Variants in TSPAN13 observed in about 807,000 individuals in gnomAD.
TSPAN13 encodes the protein tetraspanin 13.
A neutral mutation model predicts 26.9 loss-of-function variants in TSPAN13; 18 were observed. The observed-to-expected ratio is 0.67, with a 90% CI of 0.46 to 0.99. The LOEUF is 0.99. Ranked by LOEUF, TSPAN13 falls within the 50% of genes least tolerant of loss-of-function variation. The pLI is 0.00. For missense variants in TSPAN13, 201 were observed against 249.6 expected, an observed-to-expected ratio of 0.81 and a Z score of 1.31; for synonymous variants, 116 against 98.4, an observed-to-expected ratio of 1.18 and a Z score of -1.06.
At chr7:16,755,660 C>T (rs1318341870) in intron 1 of TSPAN13, among the ~76,000 whole-genome samples, 5 of 151,488 alleles carry the variant, frequency 3.3e-5, no homozygotes, top group African/African-American at 1.2e-4. Context: ...TTGCCAGACA[C>T]TTAGTCTTAC....
At chr7:16,777,531 C>T (rs188078917) in intron 3 of TSPAN13, among the ~76,000 whole-genome samples, 3 of 152,160 alleles carry the variant, frequency 2.0e-5, no homozygotes, top group Non-Finnish European at 2.9e-5. Context: ...GTTAACACTC[C>T]GAGAATTATG....
At chr7:16,758,125 T>A (rs987014381) in intron 1 of TSPAN13, among the ~76,000 whole-genome samples, 1 of 152,122 alleles carries the variant, frequency 6.6e-6, no homozygotes, top group African/African-American at 2.4e-5. Flanking sequence ...ATGAGCACTT[T>A]ATCTACTATA....
chr7:16,774,919 A>AG (rs1441945005), intron 1 of TSPAN13, among the ~76,000 whole-genome samples: 4 of 152,298 alleles, frequency 2.6e-5, no homozygotes, highest in Non-Finnish European at 5.9e-5. Context: ...GTATCTCTAC[A>AG]TATGTAAGGT....
At chr7:16,763,394 T>C (rs1421357604) in intron 1 of TSPAN13, among the ~76,000 whole-genome samples, 1 of 152,204 alleles carries the variant, frequency 6.6e-6, no homozygotes, top group Non-Finnish European at 1.5e-5. Flanking sequence ...GGGTTATAGA[T>C]GTTCTTGAAG....
In TSPAN13 at chr7:16,777,736, G is replaced by C. The variant is rs942731676; in HGVS notation, c.313-62G>C. 22 of 1,261,060 alleles carry C rather than the reference G, an allele frequency of 1.7e-5. No individual in the cohort carries two copies. In the African/African-American group the frequency reaches 2.4e-4, roughly 14 times the overall value. 78.1% of individuals were successfully genotyped at this position (1,261,060 alleles called of 1,614,324 possible). On this transcript the variant is annotated intron_variant, in intron 3 of 5. Transcript: ENST00000262067. ...GTACACTTAGTACTAAAAGTTACAG[G>C]CTCCAGCTTTATACATTTTCTGCAG...
chr7:16,760,855 C>T (rs1784534444), intron 1 of TSPAN13, among the ~76,000 whole-genome samples: 1 of 152,162 alleles, frequency 6.6e-6, no homozygotes, highest in South Asian at 2.1e-4. Context: ...AGCAGTTACC[C>T]TTTTATTTTT....
intron 5 of TSPAN13, 99 bp from the exon 6 acceptor site, chr7:16,783,318 C>T (rs887315342): frequency 2.2e-5 from 26 of 1,157,842 alleles, no homozygotes; most frequent in Middle Eastern, 2.0e-4. Context: ...AGATGCAAAG[C>T]GATTGAGAGG....
At chr7:16,773,299 A>T (rs1364888283) in intron 1 of TSPAN13, among the ~76,000 whole-genome samples, 1 of 151,848 alleles carries the variant, frequency 6.6e-6, no homozygotes, top group East Asian at 1.9e-4. Context: ...ATTTTTGTAC[A>T]GCCTGCTAAC....
chr7:16,773,012 A>T (rs1414250485), intron 1 of TSPAN13, among the ~76,000 whole-genome samples: 1 of 152,090 alleles, frequency 6.6e-6, no homozygotes, highest in Non-Finnish European at 1.5e-5. Context: ...ATAAAATAAA[A>T]TAAAAAATAA....
intron 1 of TSPAN13, among the ~76,000 whole-genome samples, chr7:16,774,512 A>G (rs567142789): frequency 1.5e-4 from 23 of 152,158 alleles, no homozygotes; most frequent in Non-Finnish European, 3.2e-4. Context: ...TTTGAATACC[A>G]CAGAGTCAGA....
chr7:16,759,699 C>CTTTTT (rs59571826), intron 1 of TSPAN13, among the ~76,000 whole-genome samples: 6 of 132,450 alleles, frequency 4.5e-5, no homozygotes, highest in African/African-American at 8.9e-5. Flanking sequence ...TTCTTTCTTT[C>CTTTTT]TTTTTTTTTT....
chr7:16,758,155 T>G (rs1784503587), intron 1 of TSPAN13, among the ~76,000 whole-genome samples: 1 of 152,112 alleles, frequency 6.6e-6, no homozygotes, highest in East Asian at 1.9e-4. Context: ...CGGCCTGGGA[T>G]GCATTTTATA....
At chr7:16,764,168 C>T (rs1583788225) in intron 1 of TSPAN13, among the ~76,000 whole-genome samples, 1 of 149,112 alleles carries the variant, frequency 6.7e-6, no homozygotes. Flanking sequence ...CAGGCACATG[C>T]CACCATGCCC....
intron 5 of TSPAN13, 105 bp from the exon 6 acceptor site, chr7:16,783,311 TG>T (rs141390448): frequency 0.045 from 49,392 of 1,096,716 alleles, 1,460 homozygotes; most frequent in African/African-American, 0.13. Context: ...GAACAAAAGA[TG>T]CAAAGCGATT....
intron 5 of TSPAN13, among the ~76,000 whole-genome samples, 164 bp from the exon 6 acceptor site, chr7:16,783,253 G>GT (rs1784833106): frequency 6.6e-6 from 1 of 151,984 alleles, no homozygotes; most frequent in Non-Finnish European, 1.5e-5. Context: ...CTCAGCGCCC[G>GT]TCATTTGGTT....
chr7:16,777,382 C>T (rs1784763029), intron 3 of TSPAN13, among the ~76,000 whole-genome samples: 2 of 152,046 alleles, frequency 1.3e-5, no homozygotes, highest in African/African-American at 2.4e-5. Context: ...AAAGATGTTC[C>T]CCCAATCTTT....
chr7:16,774,167 C>T (rs1404378183), intron 1 of TSPAN13, among the ~76,000 whole-genome samples: 1 of 152,200 alleles, frequency 6.6e-6, no homozygotes, highest in Admixed American at 6.5e-5. Flanking sequence ...AGCCTGCTGG[C>T]CAGCTCTACA....
At chr7:16,769,744 C>T (rs943915342) in intron 1 of TSPAN13, among the ~76,000 whole-genome samples, 5 of 152,070 alleles carry the variant, frequency 3.3e-5, no homozygotes, top group African/African-American at 1.2e-4. Context: ...TCTCTCCTCC[C>T]ATTGTTATTT....
chr7:16,782,986 C>G (rs906130299), intron 5 of TSPAN13, among the ~76,000 whole-genome samples: 1 of 152,146 alleles, frequency 6.6e-6, no homozygotes, highest in Non-Finnish European at 1.5e-5. Context: ...CTTTCTATTT[C>G]CCTTTACTTC....
Sources: allele counts gnomAD v4.1 joint callset (sites outside exome capture counted in the v4.1 genomes callset), GRCh38; gene constraint gnomAD v4.1.1; transcripts MANE v1.5; gene names NCBI Gene and HGNC (gene_info 2026-07-23, HGNC 2026-07-21).